The following SMOC2 variants were observed in gnomAD, a reference collection of about 807,000 sequenced individuals.
The protein encoded by SMOC2 is SPARC-related modular calcium-binding protein 2.
In SMOC2, 39 loss-of-function variants were observed where a neutral mutation model predicts 61.4. That is an observed-to-expected ratio of 0.64 (90% CI 0.49 to 0.83). SMOC2 has a LOEUF of 0.83. Among genes scored for constraint, SMOC2 ranks in the 40% least tolerant of loss-of-function variants. The probability of loss-of-function intolerance (pLI) is 0.00; values close to 1 mark genes in which losing one functional copy is unlikely to be tolerated. For synonymous variants in SMOC2, 247 were observed against 239.9 expected, an observed-to-expected ratio of 1.03 and a Z score of -0.27; for missense variants, 556 against 592.9, an observed-to-expected ratio of 0.94 and a Z score of 0.65.
chr6:168,622,685 A>G (rs1473910241), intron 9 of SMOC2, among the ~76,000 whole-genome samples: 1 of 152,056 alleles, frequency 6.6e-6, no homozygotes, highest in Non-Finnish European at 1.5e-5. Context: ...TCCCACTGCT[A>G]TTTCCAAGCC....
At chr6:168,454,144 G>A (rs1781527093) in intron 1 of SMOC2, among the ~76,000 whole-genome samples, 1 of 152,000 alleles carries the variant, frequency 6.6e-6, no homozygotes, top group African/African-American at 2.4e-5. Flanking sequence ...CCCAGTCCAT[G>A]ATGCCTGCAG....
Position 168,574,064 on chromosome 6 carries a change from C to T in SMOC2, c.638-24754C>T, listed in dbSNP as rs148622725. ...AGAATGTCTTGCCCACCCTAGAAGACGAGGAAAAGAGGCTGGAAACAAGCG... is the reference window on the plus strand; with the variant it reads ...AGAATGTCTTGCCCACCCTAGAAGATGAGGAAAAGAGGCTGGAAACAAGCG... On this transcript the variant is annotated intron_variant, in intron 7 of 12. Transcript: ENST00000356284. Among the ~76,000 whole-genome samples, 973 of 152,300 alleles carry T rather than the reference C, an allele frequency of 6.4e-3. 3 individuals carry two copies. The highest frequency in any genetic ancestry group is 0.024 in the Middle Eastern group (7 of 294).
At chr6:168,537,950 C>T (rs1783771464) in intron 4 of SMOC2, among the ~76,000 whole-genome samples, 1 of 152,190 alleles carries the variant, frequency 6.6e-6, no homozygotes, top group South Asian at 2.1e-4. Flanking sequence ...ACTTCCTCAC[C>T]CTGGAATCTG....
chr6:168,451,014 C>T (rs894255731), intron 1 of SMOC2, among the ~76,000 whole-genome samples: 1 of 152,188 alleles, frequency 6.6e-6, no homozygotes, highest in African/African-American at 2.4e-5. Flanking sequence ...AAATGTGTTA[C>T]AGGATCCTGT....
chr6:168,618,083 C>T (rs138365627), intron 9 of SMOC2, among the ~76,000 whole-genome samples: 4 of 152,348 alleles, frequency 2.6e-5, no homozygotes, highest in East Asian at 1.9e-4. Flanking sequence ...TGTTATTAGC[C>T]GCAAGGCTGC....
chr6:168,494,931 A>G (rs1184178312), intron 1 of SMOC2, among the ~76,000 whole-genome samples: 3 of 152,188 alleles, frequency 2.0e-5, no homozygotes, highest in Non-Finnish European at 2.9e-5. Flanking sequence ...TTCCTGGGGA[A>G]TAGGGAACCT....
chr6:168,659,689 G>T (rs367989593), intron 11 of SMOC2, among the ~76,000 whole-genome samples: 1 of 37,186 alleles, frequency 2.7e-5, no homozygotes, highest in Non-Finnish European at 5.5e-5. Flanking sequence ...GAGGTTGTAG[G>T]TAGGGTGAGG....
chr6:168,652,726 A>G (rs925296731), intron 10 of SMOC2, among the ~76,000 whole-genome samples: 3 of 152,188 alleles, frequency 2.0e-5, no homozygotes, highest in Non-Finnish European at 4.4e-5. Flanking sequence ...GCTGGGCACA[A>G]ATTCACTGCA....
chr6:168,519,985 C>T, intron 2 of SMOC2, among the ~76,000 whole-genome samples: 1 of 149,228 alleles, frequency 6.7e-6, no homozygotes, highest in African/African-American at 2.5e-5. Context: ...AAAGAGAATA[C>T]TTACGTAAAA....
chr6:168,469,094 C>G (rs1004266047), intron 1 of SMOC2, among the ~76,000 whole-genome samples: 2 of 152,244 alleles, frequency 1.3e-5, no homozygotes, highest in African/African-American at 4.8e-5. Context: ...GTTCTTGTTT[C>G]TAATGGGTCA....
intron 1 of SMOC2, among the ~76,000 whole-genome samples, chr6:168,451,509 T>C (rs1781460502): frequency 6.6e-6 from 1 of 152,096 alleles, no homozygotes; most frequent in South Asian, 2.1e-4. Context: ...GACAGAGCCC[T>C]CTCTCTGTGC....
At position 168,653,163 on chromosome 6, in the gene SMOC2, A is replaced by G. The variant is rs769977683; in HGVS notation, c.1220A>G (p.Gln407Arg). ...AATAATGACAAATCCATCTCCGTAC[A>G]AGAACTGATGGGCTGCCTGGGCGTG... ...DVNNDKSISVQELMGCLGVAK... is the reference protein window; with the variant it reads ...DVNNDKSISVRELMGCLGVAK... The change falls in exon 11 of 13, where the codon CAA (glutamine) becomes CGA (arginine). Residue 407 changes from glutamine (Q) to arginine (R), a missense_variant. By Grantham distance (43) the Gln-to-Arg change is conservative. Transcript: ENST00000356284. 1.2e-6 allele frequency: 2 copies of G among 1,614,070 alleles called. No individual in the cohort carries two copies. Among genetic ancestry groups the G allele is most frequent in the South Asian group, 1.1e-5 (1 of 91,090 alleles).
At chr6:168,626,575 C>T (rs557614959) in intron 9 of SMOC2, among the ~76,000 whole-genome samples, 2 of 152,322 alleles carry the variant, frequency 1.3e-5, no homozygotes, top group African/African-American at 4.8e-5. Flanking sequence ...GCCTGTGTCT[C>T]CTCTGCATCA....
chr6:168,614,800 A>AGG (rs1242647655), intron 9 of SMOC2, among the ~76,000 whole-genome samples: 3 of 44,578 alleles, frequency 6.7e-5, no homozygotes, highest in African/African-American at 1.8e-4. Context: ...CAGCCAGCAC[A>AGG]GGGCCTCTTC....
intron 1 of SMOC2, among the ~76,000 whole-genome samples, chr6:168,499,101 C>G (rs549146089): frequency 6.8e-6 from 1 of 146,872 alleles, no homozygotes; most frequent in Non-Finnish European, 1.5e-5. Flanking sequence ...CTGGGTCCTC[C>G]CAGCCCTACG....
At chr6:168,562,470 G>A (rs982198057) in intron 7 of SMOC2, among the ~76,000 whole-genome samples, 4 of 151,128 alleles carry the variant, frequency 2.6e-5, no homozygotes, top group East Asian at 2.0e-4. Flanking sequence ...TCATTTTCCT[G>A]CCCTGAGACA....
chr6:168,604,390 A>C (rs1169620889), intron 8 of SMOC2, among the ~76,000 whole-genome samples: 2 of 152,068 alleles, frequency 1.3e-5, no homozygotes, highest in Non-Finnish European at 2.9e-5. Context: ...AGACATGGGT[A>C]CTGGGCACCA....
intron 4 of SMOC2, among the ~76,000 whole-genome samples, chr6:168,531,328 C>G (rs1454678803): frequency 6.6e-6 from 1 of 152,180 alleles, no homozygotes; most frequent in African/African-American, 2.4e-5. Flanking sequence ...CTTTTGTGCA[C>G]TTTTCTGTAT....
At position 168,539,557 on chromosome 6, in the gene SMOC2, A is replaced by G. The variant is rs115670125; in HGVS notation, c.464-4068A>G. The stretch of plus-strand genomic sequence containing the variant: ...CTGTGCATGGTGTCTGGGTCCCAGG[A>G]CAGCGGGCTCAGGCCTTCCACACCG... On this transcript the variant is annotated intron_variant, in intron 4 of 12. Coordinates refer to ENST00000356284, the MANE Select transcript of SMOC2 (RefSeq NM_001166412.2). Among the ~76,000 whole-genome samples, 206 of 152,354 alleles carry G rather than the reference A, an allele frequency of 1.4e-3. 1 individual carries two copies. The highest frequency in any genetic ancestry group is 4.8e-3 in the African/African-American group (201 of 41,590).
Sources: allele counts gnomAD v4.1 joint callset (sites outside exome capture counted in the v4.1 genomes callset), GRCh38; gene constraint gnomAD v4.1.1; transcripts MANE v1.5; gene names NCBI Gene and HGNC (gene_info 2026-07-23, HGNC 2026-07-21).